Variants in EVI5 observed in about 807,000 individuals in gnomAD.
The protein encoded by EVI5 is ecotropic viral integration site 5 protein homolog.
A neutral mutation model predicts 112.0 loss-of-function variants in EVI5; 73 were observed. The ratio of observed to expected loss-of-function variants is 0.65; its 90% confidence interval spans 0.54 to 0.79. The LOEUF (loss-of-function observed/expected upper bound fraction) is 0.79. Ranked by LOEUF, EVI5 falls within the 30% of genes least tolerant of loss-of-function variation. EVI5 has a pLI of 0.00. For missense variants in EVI5, 900 were observed against 968.8 expected, an observed-to-expected ratio of 0.93 and a Z score of 0.94; for synonymous variants, 305 against 319.9, an observed-to-expected ratio of 0.95 and a Z score of 0.50.
chr1:92,730,936 C>A (rs7549844), intron 2 of EVI5, among the ~76,000 whole-genome samples: 136,958 of 152,136 alleles, frequency 0.9, 61,765 homozygotes, highest in East Asian at 0.97. Context: ...ATCTACATAG[C>A]AAATCTAATG....
At chr1:92,682,946 A>T (rs1462701134) in intron 9 of EVI5, among the ~76,000 whole-genome samples, 1 of 152,198 alleles carries the variant, frequency 6.6e-6, no homozygotes, top group African/African-American at 2.4e-5. Flanking sequence ...AAATATAGTT[A>T]AAAAGGACAT....
intron 18 of EVI5, among the ~76,000 whole-genome samples, chr1:92,593,361 A>C (rs1243715891): frequency 3.9e-5 from 6 of 152,246 alleles, no homozygotes; most frequent in African/African-American, 1.4e-4. Context: ...CTCTGACAAA[A>C]TTCAACAACC....
chr1:92,613,985 C>T (rs1411326854), intron 16 of EVI5, among the ~76,000 whole-genome samples: 3 of 152,194 alleles, frequency 2.0e-5, no homozygotes, highest in African/African-American at 7.2e-5. Flanking sequence ...AAGACAGACC[C>T]TTTTAAAATG....
rs200236930 is a variant in EVI5, at chr1:92,509,365, A to C, written c.*4291T>G. 1.3e-5 allele frequency: 2 copies of C among 152,672 alleles called. No individual in the cohort carries two copies. Among genetic ancestry groups the C allele is most frequent in the African/African-American group, 4.8e-5 (2 of 41,440 alleles). The allele number at this position is 152,672 out of a possible 1,614,324, so 9.5% of individuals were successfully genotyped here. Reference sequence around the variant, plus strand: ...CCCAAATAACTGGCTGATTAGTAGAAACCTGTCATCTCAGCAAACACTGAA... The same window carrying C: ...CCCAAATAACTGGCTGATTAGTAGACACCTGTCATCTCAGCAAACACTGAA... On this transcript the variant is annotated 3_prime_UTR_variant, in exon 20 of 20. Coordinates refer to ENST00000684568, the MANE Select transcript of EVI5 (RefSeq NM_001350197.2).
chr1:92,563,094 T>C (rs1668881615), intron 19 of EVI5, among the ~76,000 whole-genome samples: 1 of 152,162 alleles, frequency 6.6e-6, no homozygotes, highest in South Asian at 2.1e-4. Context: ...AGTATAGTAC[T>C]TGGTAAAACT....
chr1:92,763,632 A>T (rs1682203342), intron 1 of EVI5, among the ~76,000 whole-genome samples: 1 of 151,572 alleles, frequency 6.6e-6, no homozygotes, highest in Admixed American at 6.6e-5. Flanking sequence ...AAATTAATTA[A>T]TTTAATTTAA....
At chr1:92,532,840 T>C (rs995996137) in intron 19 of EVI5, among the ~76,000 whole-genome samples, 4 of 151,952 alleles carry the variant, frequency 2.6e-5, no homozygotes, top group Non-Finnish European at 4.4e-5. Context: ...GCAGGAAAGA[T>C]CTAAAATTGA....
At chr1:92,523,707 C>A (rs952215324) in intron 19 of EVI5, among the ~76,000 whole-genome samples, 1 of 152,164 alleles carries the variant, frequency 6.6e-6, no homozygotes, top group African/African-American at 2.4e-5. Flanking sequence ...GCTCTGGAGT[C>A]CTTACTTCTG....
chr1:92,586,353 AT>A (rs1486375685), intron 18 of EVI5, among the ~76,000 whole-genome samples: 1 of 152,060 alleles, frequency 6.6e-6, no homozygotes, highest in Non-Finnish European at 1.5e-5. Flanking sequence ...TCTTCTGCAT[AT>A]TTGTCTCTTA....
chr1:92,623,964 TC>T, intron 16 of EVI5, among the ~76,000 whole-genome samples: 1 of 152,238 alleles, frequency 6.6e-6, no homozygotes, highest in Non-Finnish European at 1.5e-5. Context: ...AAATTTGACT[TC>T]CTTGAACTTT....
chr1:92,636,222 T>C lies in EVI5; in HGVS notation c.1507A>G (p.Lys503Glu), dbSNP rs762238640. ...SQCALKEMQD[K>E]VLDIEKRNNS... ...CTTACCTTCTCTATATCCAAGACTT[T>C]ATCCTGCATCTCTTTTAATGCACAC... The change falls in exon 14 of 20, where the codon AAA becomes GAA. Residue 503 changes from lysine to glutamate, a missense_variant. Coordinates refer to ENST00000684568, the MANE Select transcript of EVI5 (RefSeq NM_001350197.2). The C allele has an allele frequency of 1.9e-6, 3 of 1,613,352 alleles. No individual in the cohort carries two copies. The African/African-American group carries it at 4.0e-5, about 22-fold the overall frequency.
At chr1:92,603,622 C>T (rs1384405760) in intron 18 of EVI5, among the ~76,000 whole-genome samples, 1 of 151,716 alleles carries the variant, frequency 6.6e-6, no homozygotes, top group Admixed American at 6.6e-5. Context: ...ATTTTTTAAA[C>T]TTTTTGACTC....
intron 11 of EVI5, 58 bp from the exon 12 acceptor site, chr1:92,663,510 T>A (rs896938049): frequency 2.0e-5 from 18 of 892,688 alleles, no homozygotes; most frequent in Non-Finnish European, 2.5e-5. Flanking sequence ...GTGATAAAAT[T>A]AGGAAAAAAG....
At chr1:92,696,826 CAGG>C (rs971181784) in intron 6 of EVI5, among the ~76,000 whole-genome samples, 3 of 152,150 alleles carry the variant, frequency 2.0e-5, no homozygotes, top group African/African-American at 2.4e-5. Flanking sequence ...TTCATGAGGT[CAGG>C]AGATCGAGAC....
At chr1:92,607,361 C>T (rs781757139) in intron 17 of EVI5, 15 of 404,942 alleles carry the variant, frequency 3.7e-5, no homozygotes, top group Admixed American at 2.3e-4. Flanking sequence ...ATTAAATTAA[C>T]CAAGGAAGTG....
chr1:92,707,541 A>G (rs1273997166), intron 2 of EVI5, among the ~76,000 whole-genome samples: 3 of 152,226 alleles, frequency 2.0e-5, no homozygotes, highest in Non-Finnish European at 4.4e-5. Flanking sequence ...CAAATGGTCA[A>G]TAAGTACTTG....
At chr1:92,628,148 A>G (rs1414955083) in intron 14 of EVI5, among the ~76,000 whole-genome samples, 15 of 152,282 alleles carry the variant, frequency 9.9e-5, no homozygotes, top group Middle Eastern at 3.4e-3. Context: ...AGAATTGTCT[A>G]TTCATGTCCT....
chr1:92,619,832 T>C (rs918377216), intron 16 of EVI5, among the ~76,000 whole-genome samples: 2 of 152,130 alleles, frequency 1.3e-5, no homozygotes, highest in East Asian at 3.9e-4. Context: ...TACCTTCAGT[T>C]GGCTCATCAA....
At chr1:92,575,807 A>G (rs532091863) in intron 18 of EVI5, among the ~76,000 whole-genome samples, 2 of 151,598 alleles carry the variant, frequency 1.3e-5, no homozygotes, top group South Asian at 4.2e-4. Context: ...CAAGTGATCC[A>G]CTCACTTCAG....
Sources: allele counts gnomAD v4.1 joint callset (sites outside exome capture counted in the v4.1 genomes callset), GRCh38; gene constraint gnomAD v4.1.1; transcripts MANE v1.5; gene names NCBI Gene and HGNC (gene_info 2026-07-23, HGNC 2026-07-21).